ENTHD1: variants seen among roughly 807,000 people sequenced by gnomAD.
ENTHD1 encodes ENTH domain-containing protein 1.
In ENTHD1, 23 loss-of-function variants were observed where a neutral mutation model predicts 39.1. The ratio of observed to expected loss-of-function variants is 0.59; its 90% confidence interval spans 0.42 to 0.83. The LOEUF (loss-of-function observed/expected upper bound fraction) is 0.83, where lower values mean the gene tolerates loss of function less well. Among genes scored for constraint, ENTHD1 ranks in the 40% least tolerant of loss-of-function variants. The pLI, the probability that ENTHD1 is intolerant of heterozygous loss-of-function variation, is 0.00. For missense variants in ENTHD1, 624 were observed against 705.4 expected (o/e 0.88, Z 1.31); for synonymous variants, 230 against 258.2 (o/e 0.89, Z 1.05).
chr22:39,744,266 C>G lies in ENTHD1; in HGVS notation c.1237G>C (p.Gly413Arg). 6.3e-7 allele frequency: 1 copy of G among 1,595,020 alleles called. No homozygotes were observed. The highest frequency in any genetic ancestry group is 8.5e-7 in the Non-Finnish European group (1 of 1,172,638). Residue 413 changes from glycine (G) to arginine (R), a missense_variant, in exon 7 of 7, where the codon GGA becomes CGA. By Grantham distance (125) the Gly-to-Arg change is moderately radical. Transcript: ENST00000325157. ...TTTRVSTASE[G>R]ASSFSPLSMS... ...GATAAAGGAGAAAAGGAAGATGCTCCCTCAGAAGCAGTTGAAACTAAAATG... is the reference window on the plus strand; with the variant it reads ...GATAAAGGAGAAAAGGAAGATGCTCGCTCAGAAGCAGTTGAAACTAAAATG...
intron 3 of ENTHD1, among the ~76,000 whole-genome samples, chr22:39,851,682 C>T (rs1052592937): frequency 6.6e-6 from 1 of 152,244 alleles, no homozygotes; most frequent in African/African-American, 2.4e-5. Flanking sequence ...CCCCCAAACT[C>T]ATTCTCTGAT....
rs2066286331 is a variant in ENTHD1 at position 39,875,986 on chromosome 22, T to C, written c.349+11414A>G. The C allele has an allele frequency of 1.9e-6, 3 of 1,613,758 alleles. No individual in the cohort carries two copies. In the South Asian group the frequency reaches 3.3e-5, roughly 18 times the overall value. On this transcript the variant is annotated intron_variant, in intron 2 of 6. Coordinates refer to ENST00000325157, the MANE Select transcript of ENTHD1 (RefSeq NM_152512.4). Reference sequence around the variant, plus strand: ...CCATTGCAAATGCAGGAGATTTTGGTGGTTATTACTGCCCTTGCCATGGGT... The same window carrying C: ...CCATTGCAAATGCAGGAGATTTTGGCGGTTATTACTGCCCTTGCCATGGGT...
At chr22:39,798,943 G>C (rs1405667639) in intron 5 of ENTHD1, among the ~76,000 whole-genome samples, 1 of 152,176 alleles carries the variant, frequency 6.6e-6, no homozygotes, top group Non-Finnish European at 1.5e-5. Flanking sequence ...TGGCAGGCTG[G>C]GTGGGCTCAT....
At chr22:39,841,519 T>C (rs1601632874) in intron 3 of ENTHD1, among the ~76,000 whole-genome samples, 2 of 151,740 alleles carry the variant, frequency 1.3e-5, no homozygotes, top group East Asian at 3.9e-4. Flanking sequence ...TTGATCTTTG[T>C]TGGTTTAAAG....
rs116931258 is a variant in ENTHD1, at chr22:39,822,066, C to A, written c.712-953G>T. Among the ~76,000 whole-genome samples, 11 of 152,308 alleles carry A rather than the reference C, an allele frequency of 7.2e-5. No individual in the cohort carries two copies. In the East Asian group the frequency reaches 2.1e-3, roughly 29 times the overall value. On this transcript the variant is annotated intron_variant, in intron 4 of 6. Coordinates refer to ENST00000325157, the MANE Select transcript of ENTHD1 (RefSeq NM_152512.4). ...ATCAAACTGATAAACTTCATAGCTCCTAATGTCATCAATTACCATAAACTG... is the reference window on the plus strand; with the variant it reads ...ATCAAACTGATAAACTTCATAGCTCATAATGTCATCAATTACCATAAACTG...
chr22:39,890,615 T>A (rs1274224069), intron 1 of ENTHD1, among the ~76,000 whole-genome samples: 1 of 152,232 alleles, frequency 6.6e-6, no homozygotes, highest in East Asian at 1.9e-4. Flanking sequence ...TTCTCTAACC[T>A]ATATTTTAAA....
chr22:39,796,819 G>A (rs2065553941), intron 5 of ENTHD1, among the ~76,000 whole-genome samples: 1 of 152,148 alleles, frequency 6.6e-6, no homozygotes, highest in African/African-American at 2.4e-5. Flanking sequence ...TGTTCCACAT[G>A]CTGATGAGAA....
intron 4 of ENTHD1, among the ~76,000 whole-genome samples, chr22:39,827,469 C>A (rs1422266754): frequency 6.6e-6 from 1 of 152,032 alleles, no homozygotes; most frequent in African/African-American, 2.4e-5. Flanking sequence ...TTCTCTAATA[C>A]ACAAATTGCT....
chr22:39,771,231 G>T (rs1455940714), intron 5 of ENTHD1, among the ~76,000 whole-genome samples: 1 of 152,116 alleles, frequency 6.6e-6, no homozygotes, highest in East Asian at 1.9e-4. Context: ...AAAATGTAAA[G>T]AAACCAATAA....
chr22:39,827,206 G>A (rs1293990499), intron 4 of ENTHD1, among the ~76,000 whole-genome samples: 2 of 151,790 alleles, frequency 1.3e-5, no homozygotes, highest in African/African-American at 4.8e-5. Context: ...TAATAGAGAC[G>A]GGGTTTCACC....
chr22:39,861,856 T>TG lies in ENTHD1; in HGVS notation c.500dup (p.Leu168ThrfsTer20), dbSNP rs757946407. The TG allele has an allele frequency of 6.2e-7, 1 of 1,605,700 alleles. No homozygotes were observed. Among genetic ancestry groups the TG allele is most frequent in the Non-Finnish European group, 8.5e-7 (1 of 1,174,416 alleles). On this transcript the variant is annotated frameshift_variant, in exon 3 of 7. Transcript: ENST00000325157. LOFTEE classifies it high-confidence loss of function. Reference sequence around the variant, plus strand: ...TGGGGGCAGAAGTGCACGCTGTCAGTGAGTTACTTGAACCAAGTTGTCTTT... The same window carrying TG: ...TGGGGGCAGAAGTGCACGCTGTCAGTGGAGTTACTTGAACCAAGTTGTCTTT...
chr22:39,772,511 T>C (rs1207511222), intron 5 of ENTHD1, among the ~76,000 whole-genome samples: 2 of 152,180 alleles, frequency 1.3e-5, no homozygotes, highest in East Asian at 3.8e-4. Context: ...TTGGTATAAC[T>C]ACCAAGTCTA....
chr22:39,747,615 G>A (rs1414412347), intron 6 of ENTHD1, among the ~76,000 whole-genome samples: 1 of 152,108 alleles, frequency 6.6e-6, no homozygotes, highest in Non-Finnish European at 1.5e-5. Flanking sequence ...ATAATAAATG[G>A]TTGATGGATA....
In ENTHD1 at chr22:39,864,017, T is replaced by TA. The variant is rs559396788; in HGVS notation, c.350-2011dup. Among the ~76,000 whole-genome samples, 610 of 152,350 alleles carry TA rather than the reference T, an allele frequency of 4.0e-3. 4 individuals are homozygous for TA. The highest frequency in any genetic ancestry group is 0.014 in the African/African-American group (582 of 41,592). ...ATCATTCTAAACACTCTTAGCTTCC[T>TA]ATGATCAGTTTGCATTCCATAACCC... On this transcript the variant is annotated intron_variant, in intron 2 of 6. Coordinates refer to ENST00000325157, the MANE Select transcript of ENTHD1 (RefSeq NM_152512.4).
intron 2 of ENTHD1, among the ~76,000 whole-genome samples, chr22:39,862,417 A>G (rs1320276626): frequency 6.6e-6 from 1 of 151,924 alleles, no homozygotes; most frequent in South Asian, 2.1e-4. Flanking sequence ...GCATGGTGGC[A>G]TGTGCCTGTA....
intron 3 of ENTHD1, among the ~76,000 whole-genome samples, chr22:39,856,872 AGAAAG>A (rs2066094814): frequency 6.7e-6 from 1 of 149,068 alleles, no homozygotes; most frequent in Non-Finnish European, 1.5e-5. Context: ...AAAAAAAGAA[AGAAAG>A]AAAAGGAAAA....
At chr22:39,849,268 T>G (rs2066016210) in intron 3 of ENTHD1, among the ~76,000 whole-genome samples, 2 of 152,236 alleles carry the variant, frequency 1.3e-5, no homozygotes, top group Admixed American at 6.5e-5. Flanking sequence ...CTGCACTGAA[T>G]CAGCGGTTCT....
At chr22:39,843,569 C>G (rs560157392) in intron 3 of ENTHD1, among the ~76,000 whole-genome samples, 1 of 151,890 alleles carries the variant, frequency 6.6e-6, no homozygotes, top group East Asian at 1.9e-4. Context: ...ATGTAACTAA[C>G]CTGCACAATG....
intron 5 of ENTHD1, among the ~76,000 whole-genome samples, chr22:39,799,376 T>C (rs1292347688): frequency 2.0e-5 from 3 of 152,194 alleles, no homozygotes; most frequent in African/African-American, 7.2e-5. Context: ...TGCAGGACAC[T>C]GTGTGTTAGA....
Sources: allele counts gnomAD v4.1 joint callset (sites outside exome capture counted in the v4.1 genomes callset), GRCh38; gene constraint gnomAD v4.1.1; transcripts MANE v1.5; gene names NCBI Gene and HGNC (gene_info 2026-07-23, HGNC 2026-07-21).